PCBP3: variants seen among roughly 807,000 people sequenced by gnomAD.
PCBP3 encodes the protein poly(rC) binding protein 3.
In PCBP3, 25 loss-of-function variants were observed where a neutral mutation model predicts 52.7. That is an observed-to-expected ratio of 0.47 (90% CI 0.35 to 0.66). The LOEUF is 0.66. PCBP3 is among the 30% of genes least tolerant of loss of function. The pLI, the probability that PCBP3 is intolerant of heterozygous loss-of-function variation, is 0.01. For synonymous variants in PCBP3, 162 were observed against 183.0 expected (o/e 0.89, Z 0.93); for missense variants, 391 against 490.3 (o/e 0.80, Z 1.91).
chr21:45,863,437 T>C (rs2094583417), intron 5 of PCBP3, among the ~76,000 whole-genome samples: 1 of 152,146 alleles, frequency 6.6e-6, no homozygotes, highest in African/African-American at 2.4e-5. Context: ...GCTGCGGCCG[T>C]GTGTCCTACA....
chr21:45,873,078 G>A (rs1603460623), intron 5 of PCBP3: 1 of 152,290 alleles, frequency 6.6e-6, no homozygotes, highest in East Asian at 1.9e-4. Flanking sequence ...GGGTCATCTG[G>A]TGTCATGTGC....
At chr21:45,932,044 A>C (rs548929569) in intron 15 of PCBP3, among the ~76,000 whole-genome samples, 1 of 109,076 alleles carries the variant, frequency 9.2e-6, no homozygotes, top group East Asian at 2.9e-4. Flanking sequence ...AATGAACACA[A>C]CGGTCATGCT....
intron 4 of PCBP3, among the ~76,000 whole-genome samples, chr21:45,766,062 G>A (rs2089286653): frequency 6.6e-6 from 1 of 152,212 alleles, no homozygotes; most frequent in African/African-American, 2.4e-5. Flanking sequence ...CCATGGTCTT[G>A]TCTCCTGTGG....
At chr21:45,648,042 T>A (rs1435503524) in intron 1 of PCBP3, among the ~76,000 whole-genome samples, 1 of 152,136 alleles carries the variant, frequency 6.6e-6, no homozygotes, top group Non-Finnish European at 1.5e-5. Flanking sequence ...AAGGGTGCAC[T>A]AGTCAAGGAA....
chr21:45,799,158 A>G (rs908840651), intron 4 of PCBP3, among the ~76,000 whole-genome samples: 1 of 152,246 alleles, frequency 6.6e-6, no homozygotes, highest in African/African-American at 2.4e-5. Context: ...GTGTGCATGG[A>G]CGAATTCATG....
intron 4 of PCBP3, among the ~76,000 whole-genome samples, chr21:45,818,900 G>A (rs2093045289): frequency 6.6e-6 from 1 of 152,210 alleles, no homozygotes; most frequent in South Asian, 2.1e-4. Context: ...AGTGAAAGAG[G>A]CCAGCCTGAA....
chr21:45,863,514 C>G (rs115494687), intron 5 of PCBP3, among the ~76,000 whole-genome samples: 1 of 152,220 alleles, frequency 6.6e-6, no homozygotes, highest in African/African-American at 2.4e-5. Flanking sequence ...CGCATGAGTG[C>G]TGGGTCCACC....
At chr21:45,776,470 TTCTCTC>T (rs142762678) in intron 4 of PCBP3, among the ~76,000 whole-genome samples, 8 of 146,874 alleles carry the variant, frequency 5.4e-5, no homozygotes, top group East Asian at 2.0e-4. Context: ...GAGTCTCTCT[TTCTCTC>T]TCTCTCTCTC....
At chr21:45,752,341 T>C (rs1182842000) in intron 3 of PCBP3, among the ~76,000 whole-genome samples, 1 of 151,996 alleles carries the variant, frequency 6.6e-6, no homozygotes, top group Non-Finnish European at 1.5e-5. Flanking sequence ...ATTTCTTCCT[T>C]TTTTTTCCAG....
At chr21:45,889,191 G>A (rs755871051) in intron 5 of PCBP3, among the ~76,000 whole-genome samples, 4 of 152,324 alleles carry the variant, frequency 2.6e-5, no homozygotes, top group Admixed American at 6.5e-5. Context: ...AGGCAGGAGC[G>A]CTCACAGGGG....
At chr21:45,743,435 T>C (rs2086594533) in intron 3 of PCBP3, among the ~76,000 whole-genome samples, 1 of 152,210 alleles carries the variant, frequency 6.6e-6, no homozygotes, top group Non-Finnish European at 1.5e-5. Flanking sequence ...ATCAAAAAAG[T>C]TGCATTTCAC....
intron 5 of PCBP3, among the ~76,000 whole-genome samples, chr21:45,857,677 A>G (rs2094353879): frequency 6.6e-6 from 1 of 152,174 alleles, no homozygotes; most frequent in South Asian, 2.1e-4. Flanking sequence ...CCCTGGGCAC[A>G]AGTTCTTAGG....
chr21:45,818,107 C>G (rs967760592), intron 4 of PCBP3, among the ~76,000 whole-genome samples: 1 of 152,068 alleles, frequency 6.6e-6, no homozygotes, highest in Non-Finnish European at 1.5e-5. Flanking sequence ...ACTGCAACCT[C>G]CACCTCCCGG....
intron 2 of PCBP3, among the ~76,000 whole-genome samples, chr21:45,675,874 T>C (rs958926520): frequency 7.9e-5 from 12 of 152,210 alleles, no homozygotes; most frequent in African/African-American, 2.4e-4. Flanking sequence ...CATCATACTC[T>C]TCACTGTCAC....
intron 4 of PCBP3, among the ~76,000 whole-genome samples, chr21:45,834,224 C>T (rs566485489): frequency 6.6e-6 from 1 of 152,332 alleles, no homozygotes; most frequent in African/African-American, 2.4e-5. Context: ...CAGGAAGATG[C>T]CGCACAGTGC....
chr21:45,762,301 CTT>C (rs1282845161), intron 4 of PCBP3: 1 of 152,188 alleles, frequency 6.6e-6, no homozygotes. Flanking sequence ...TTGCCATTCA[CTT>C]TTCCTGAGCA....
At chr21:45,878,677 A>G (rs2095327551) in intron 5 of PCBP3, among the ~76,000 whole-genome samples, 1 of 152,260 alleles carries the variant, frequency 6.6e-6, no homozygotes, top group Non-Finnish European at 1.5e-5. Context: ...GGAACTAACT[A>G]GAACCACTGC....
chr21:45,691,402 C>CAT (rs1335073261), intron 2 of PCBP3, among the ~76,000 whole-genome samples: 2 of 140,342 alleles, frequency 1.4e-5, no homozygotes, highest in Non-Finnish European at 3.1e-5. Flanking sequence ...ATATATATCT[C>CAT]ATATATATAT....
At chr21:45,851,050 C>T (rs2093977203) in intron 5 of PCBP3, among the ~76,000 whole-genome samples, 1 of 152,008 alleles carries the variant, frequency 6.6e-6, no homozygotes, top group African/African-American at 2.4e-5. Context: ...GCTATAAACA[C>T]GTGTTAAGAA....
Sources: gnomAD v4.1 joint callset for allele counts (sites outside exome capture counted in the v4.1 genomes callset) on GRCh38, gnomAD v4.1.1 for gene constraint, MANE v1.5 for transcripts, NCBI Gene and HGNC (gene_info 2026-07-23, HGNC 2026-07-21) for gene names.